PPP1R9A: variants seen among roughly 807,000 people sequenced by gnomAD.
The protein encoded by PPP1R9A is protein phosphatase 1 regulatory subunit 9A, also known as neurabin-1.
A neutral mutation model predicts 141.9 loss-of-function variants in PPP1R9A; 59 were observed. That is an observed-to-expected ratio of 0.42 (90% CI 0.34 to 0.52). PPP1R9A has a LOEUF of 0.52. Ranked by LOEUF, PPP1R9A falls within the 20% of genes least tolerant of loss-of-function variation. The pLI, the probability that PPP1R9A is intolerant of heterozygous loss-of-function variation, is 0.10. For synonymous variants in PPP1R9A, 500 were observed against 569.7 expected, an observed-to-expected ratio of 0.88 and a Z score of 1.74; for missense variants, 1,444 against 1,611.9, an observed-to-expected ratio of 0.90 and a Z score of 1.78.
intron 2 of PPP1R9A, among the ~76,000 whole-genome samples, chr7:95,059,433 C>T (rs1340612947): frequency 6.6e-6 from 1 of 151,988 alleles, no homozygotes; most frequent in Non-Finnish European, 1.5e-5. Flanking sequence ...TCACATTTTA[C>T]GGAGGCTAAC....
chr7:94,908,715 T>G (rs891851210), intron 1 of PPP1R9A: 1 of 152,154 alleles, frequency 6.6e-6, no homozygotes, highest in Middle Eastern at 3.4e-3. Context: ...GGGGTGTGTG[T>G]AGGGGAGAGG....
chr7:95,289,134 A>C (rs1805907322), intron 19 of PPP1R9A, among the ~76,000 whole-genome samples: 1 of 152,144 alleles, frequency 6.6e-6, no homozygotes, highest in South Asian at 2.1e-4. Context: ...CACCACTCCC[A>C]AACTGGGATG....
At position 94,910,994 on chromosome 7, in the gene PPP1R9A, G is replaced by C. The variant is rs767423846; in HGVS notation, c.881G>C (p.Gly294Ala). The C allele has an allele frequency of 1.1e-5, 17 of 1,613,952 alleles. No homozygotes were observed. In the Admixed American group the frequency reaches 2.7e-4, roughly 25 times the overall value. ...AGTACCTCTCTAGCTTCGATACCTG[G>C]TGAAGAGATCCAGCAGAGCAAGGAA... is the stretch of plus-strand genomic sequence containing the variant. ...SKSTSLASIP[G>A]EEIQQSKEPE... Residue 294 changes from glycine to alanine, a missense_variant, in exon 2 of 20, where the codon GGT (glycine) becomes GCT (alanine). Transcript: ENST00000433360. This position sits in a 1 kb window ranked among gnomAD's most constrained non-coding sequence, Gnocchi z 4.5.
chr7:95,131,325 C>T (rs543598357), intron 4 of PPP1R9A, among the ~76,000 whole-genome samples: 3 of 152,268 alleles, frequency 2.0e-5, no homozygotes, highest in African/African-American at 7.2e-5. Context: ...TTTCACCTTC[C>T]GCCATGATTG....
chr7:95,284,365 C>G (rs1216381864), intron 17 of PPP1R9A, 35 bp downstream of exon 17: 1 of 1,384,160 alleles, frequency 7.2e-7, no homozygotes, highest in Non-Finnish European at 9.6e-7. Flanking sequence ...CATGGTATTT[C>G]TTATGTGGGG....
chr7:95,175,216 AT>A (rs1393434074), intron 5 of PPP1R9A: 1 of 152,092 alleles, frequency 6.6e-6, no homozygotes, highest in Non-Finnish European at 1.5e-5. Context: ...ACTTGGGTCT[AT>A]GTTAGAGGCA....
At chr7:95,039,590 A>G (rs1422023090) in intron 2 of PPP1R9A, among the ~76,000 whole-genome samples, 1 of 152,094 alleles carries the variant, frequency 6.6e-6, no homozygotes, top group East Asian at 1.9e-4. Flanking sequence ...AGGAAATGCT[A>G]TAAATCAAAG....
chr7:95,081,372 T>G (rs999164445), intron 2 of PPP1R9A, among the ~76,000 whole-genome samples: 2 of 152,166 alleles, frequency 1.3e-5, no homozygotes, highest in African/African-American at 2.4e-5. Context: ...TTATTTTAAC[T>G]GTGTTCCATA....
rs190414473 is a variant in PPP1R9A, at chr7:95,011,143, A to G, written c.1395+99635A>G. Reference sequence around the variant, plus strand: ...TCCAAAATACCTCATGCTCAATATTATGTTATATTTAAAATGAGAATCATG... The same window carrying G: ...TCCAAAATACCTCATGCTCAATATTGTGTTATATTTAAAATGAGAATCATG... On this transcript the variant is annotated intron_variant, in intron 2 of 19. Transcript: ENST00000433360. Among the ~76,000 whole-genome samples the G allele has an allele frequency of 7.9e-4, 120 of 152,324 alleles. 1 individual carries two copies. The highest frequency in any genetic ancestry group is 2.7e-3 in the African/African-American group (114 of 41,588).
intron 2 of PPP1R9A, among the ~76,000 whole-genome samples, chr7:95,066,253 G>T (rs543148108): frequency 6.6e-6 from 1 of 152,266 alleles, no homozygotes; most frequent in South Asian, 2.1e-4. Context: ...TAGGAGAGAG[G>T]CCTCAGAAGA....
chr7:95,227,531 G>C lies in PPP1R9A; in HGVS notation c.2112+1415G>C, dbSNP rs143013298. On this transcript the variant is annotated intron_variant, in intron 8 of 19. Coordinates refer to ENST00000433360, the MANE Select transcript of PPP1R9A (RefSeq NM_001166160.2). The stretch of plus-strand genomic sequence containing the variant: ...ATTATGATACATTGTCCAAATCTGG[G>C]CTACTTTTTATAAATAAAGTTTTAT... 4.3e-3 allele frequency among the ~76,000 whole-genome samples: 648 copies of C among 152,256 alleles called. 4 individuals are homozygous for C. The highest frequency in any genetic ancestry group is 0.014 in the African/African-American group (584 of 41,548).
At chr7:95,110,379 G>T (rs958893749) in intron 2 of PPP1R9A, among the ~76,000 whole-genome samples, 2 of 152,024 alleles carry the variant, frequency 1.3e-5, no homozygotes, top group African/African-American at 2.4e-5. Context: ...GGGGAGCACA[G>T]TTTCTTTAGG....
At chr7:94,925,203 A>T (rs975520256) in intron 2 of PPP1R9A, among the ~76,000 whole-genome samples, 3 of 149,942 alleles carry the variant, frequency 2.0e-5, no homozygotes, top group African/African-American at 4.9e-5. Context: ...TTGCTGGAAA[A>T]TTTTTTTTTT....
At chr7:95,274,361 A>T (rs1050110384) in intron 16 of PPP1R9A, among the ~76,000 whole-genome samples, 193 bp downstream of exon 16, 3 of 152,228 alleles carry the variant, frequency 2.0e-5, no homozygotes, top group Non-Finnish European at 4.4e-5. Context: ...AGCCTTGGGC[A>T]TATCCATTGG....
chr7:94,938,943 G>C (rs1347860384), intron 2 of PPP1R9A, among the ~76,000 whole-genome samples: 1 of 152,146 alleles, frequency 6.6e-6, no homozygotes, highest in Non-Finnish European at 1.5e-5. Flanking sequence ...TGTTTTTAAA[G>C]GGAGAGATAA....
chr7:95,217,088 G>A (rs2152930718), intron 7 of PPP1R9A, among the ~76,000 whole-genome samples: 1 of 152,282 alleles, frequency 6.6e-6, no homozygotes, highest in African/African-American at 2.4e-5. Context: ...CATTCAGTAT[G>A]ATATTGGCTG....
chr7:95,122,770 C>T (rs1822871356), intron 4 of PPP1R9A, among the ~76,000 whole-genome samples: 1 of 152,140 alleles, frequency 6.6e-6, no homozygotes, highest in Admixed American at 6.5e-5. Context: ...AAGGAAATAA[C>T]CTCTTTGCCC....
intron 12 of PPP1R9A, among the ~76,000 whole-genome samples, chr7:95,259,063 TAAAC>T (rs1410240578): frequency 2.0e-5 from 3 of 152,214 alleles, no homozygotes; most frequent in African/African-American, 4.8e-5. Flanking sequence ...AACATAATGT[TAAAC>T]AAACCAGCTA....
intron 4 of PPP1R9A, among the ~76,000 whole-genome samples, chr7:95,131,704 T>A (rs1824664711): frequency 6.6e-6 from 1 of 151,988 alleles, no homozygotes; most frequent in African/African-American, 2.4e-5. Flanking sequence ...TAATTTTATA[T>A]ATTTTTTCTA....
Sources: allele counts gnomAD v4.1 joint callset (sites outside exome capture counted in the v4.1 genomes callset), GRCh38; gene constraint gnomAD v4.1.1; non-coding constraint Gnocchi (gnomAD v3.1); transcripts MANE v1.5; gene names NCBI Gene and HGNC (gene_info 2026-07-23, HGNC 2026-07-21).